Variants in AGPAT4 observed in about 807,000 individuals in gnomAD.
The protein encoded by AGPAT4 is 1-acyl-sn-glycerol-3-phosphate acyltransferase delta.
Under a neutral mutation model 48.0 loss-of-function variants are expected in AGPAT4, and 15 were observed. The ratio of observed to expected loss-of-function variants is 0.31; its 90% confidence interval spans 0.21 to 0.48. AGPAT4 has a LOEUF of 0.48. Among genes scored for constraint, AGPAT4 ranks in the 20% least tolerant of loss-of-function variants. AGPAT4 has a pLI of 0.99. For synonymous variants in AGPAT4, 178 were observed against 198.7 expected (o/e 0.90, Z 0.88); for missense variants, 314 against 482.5 (o/e 0.65, Z 3.27).
Position 161,231,899 on chromosome 6 carries a change from T to C in AGPAT4, c.178+137A>G. On this transcript the variant is annotated intron_variant, in intron 2 of 8. Transcript: ENST00000320285. This position sits in a 1 kb window ranked among gnomAD's most constrained non-coding sequence, Gnocchi z 5.3. Reference sequence around the variant, plus strand: ...TGGGGGATTGAGAACAAAATAGCCATTTCAAACCTAAAACAAAAACAAAAC... The same window carrying C: ...TGGGGGATTGAGAACAAAATAGCCACTTCAAACCTAAAACAAAAACAAAAC... 2 of 880,162 alleles carry C rather than the reference T, an allele frequency of 2.3e-6. No individual in the cohort carries two copies. The highest frequency in any genetic ancestry group is 3.3e-6 in the Non-Finnish European group (2 of 606,956). The allele number at this position is 880,162 out of a possible 1,614,324, so 54.5% of individuals were successfully genotyped here. A position where few individuals can be genotyped will look rare whatever the true frequency, so the allele number is the denominator to read the frequency against.
Position 161,141,562 on chromosome 6 carries a change from G to T in AGPAT4, c.844-1942C>A, listed in dbSNP as rs1216879511. Among the ~76,000 whole-genome samples, 1 of 151,870 alleles carries T rather than the reference G, an allele frequency of 6.6e-6. No homozygotes were observed. ...GGCACCTGATAACTAGACAAGGGGG[G>T]TGATATTTTTGTGCCTTGTTTTTTT... On this transcript the variant is annotated intron_variant, in intron 7 of 8. Transcript: ENST00000320285. This position sits in a 1 kb window ranked among gnomAD's most constrained non-coding sequence, Gnocchi z 6.7.
In AGPAT4 at chr6:161,153,376, C is replaced by T. The variant is rs1158616160; in HGVS notation, c.634G>A (p.Ala212Thr). ...TTTCTCAAGCTCCTCACGGTGATGGCGAAGCCCTTGGTTCGTGGCAACAGG... is the reference window on the plus strand; with the variant it reads ...TTTCTCAAGCTCCTCACGGTGATGGTGAAGCCCTTGGTTCGTGGCAACAGG... ...HHLLPRTKGF[A>T]ITVRSLRNVV... The change falls in exon 5 of 9, where the codon GCC (alanine) becomes ACC (threonine). Residue 212 changes from alanine to threonine, a missense_variant. Transcript: ENST00000320285. The T allele has an allele frequency of 2.3e-5, 37 of 1,609,910 alleles. No homozygotes were observed. The highest frequency in any genetic ancestry group is 2.7e-5 in the Non-Finnish European group (32 of 1,178,070).
In AGPAT4 at chr6:161,236,571, G is replaced by A. The variant is rs1325314004; in HGVS notation, c.-89-4269C>T. Among the ~76,000 whole-genome samples, 1 of 152,060 alleles carries A rather than the reference G, an allele frequency of 6.6e-6. No homozygotes were observed. The highest frequency in any genetic ancestry group is 1.9e-4 in the East Asian group (1 of 5,176). On this transcript the variant is annotated intron_variant, in intron 1 of 8. Coordinates refer to ENST00000320285, the MANE Select transcript of AGPAT4 (RefSeq NM_020133.3). The surrounding 1 kb of genome is among the most constrained non-coding windows in gnomAD (Gnocchi z 5.0). Reference sequence around the variant, plus strand: ...ACAGAGGCTGGCACGGTTACCTCTGGGGGCAGACAAGTGACCCGATGAGGG... The same window carrying A: ...ACAGAGGCTGGCACGGTTACCTCTGAGGGCAGACAAGTGACCCGATGAGGG...
At chr6:161,182,079 G>A (rs913891383) in intron 2 of AGPAT4, among the ~76,000 whole-genome samples, 5 of 152,028 alleles carry the variant, frequency 3.3e-5, no homozygotes, top group East Asian at 1.9e-4. Flanking sequence ...CTTTGACCCC[G>A]ACCAGTCTGC....
rs1226817888 is a variant in AGPAT4, at chr6:161,196,051, G to T, written c.179-29634C>A. On this transcript the variant is annotated intron_variant, in intron 2 of 8. Coordinates refer to ENST00000320285, the MANE Select transcript of AGPAT4 (RefSeq NM_020133.3). This position sits in a 1 kb window ranked among gnomAD's most constrained non-coding sequence, Gnocchi z 4.3. Reference sequence around the variant, plus strand: ...TGAAGGTGCCAGGACTTTAGGATTTGCATAACTTAATGAGGCTTAATGACC... The same window carrying T: ...TGAAGGTGCCAGGACTTTAGGATTTTCATAACTTAATGAGGCTTAATGACC... 1.3e-5 allele frequency among the ~76,000 whole-genome samples: 2 copies of T among 152,132 alleles called. No homozygotes were observed. Among genetic ancestry groups the T allele is most frequent in the East Asian group, 3.9e-4 (2 of 5,186 alleles).
rs971055504 is a variant in AGPAT4, at chr6:161,255,444, C to T, written c.-90+18494G>A. On this transcript the variant is annotated intron_variant, in intron 1 of 8. Transcript: ENST00000320285. The surrounding 1 kb of genome is among the most constrained non-coding windows in gnomAD (Gnocchi z 4.7). The stretch of plus-strand genomic sequence containing the variant: ...CCCACGTTCACGGCAGCGTTGCTCT[C>T]GATAGCCAAAGGCCGAAACAGCCCC... Among the ~76,000 whole-genome samples, 1 of 152,144 alleles carries T rather than the reference C, an allele frequency of 6.6e-6. No homozygotes were observed. The highest frequency in any genetic ancestry group is 6.5e-5 in the Admixed American group (1 of 15,274).
In AGPAT4 at chr6:161,130,989, A is replaced by G. The variant is rs538245967; in HGVS notation, c.*5551T>C. The G allele has an allele frequency of 2.9e-5, 14 of 480,534 alleles. No individual in the cohort carries two copies. The highest frequency in any genetic ancestry group is 5.1e-5 in the Non-Finnish European group (12 of 234,660). 29.8% of individuals were successfully genotyped at this position (480,534 alleles called of 1,614,324 possible). A position where few individuals can be genotyped will look rare whatever the true frequency, so the allele number is the denominator to read the frequency against. On this transcript the variant is annotated 3_prime_UTR_variant, in exon 9 of 9. Coordinates refer to ENST00000320285, the MANE Select transcript of AGPAT4 (RefSeq NM_020133.3). ...ACTATGGAATAGAAAAGGAAAAGTG[A>G]CATTTGTGTAATTTATTTTGGAAAT...
At chr6:161,187,700 C>T in intron 2 of AGPAT4, among the ~76,000 whole-genome samples, 1 of 151,998 alleles carries the variant, frequency 6.6e-6, no homozygotes. Context: ...ACCACCACAC[C>T]CAGCTAATTT....
Position 161,136,071 on chromosome 6 carries a change from A to G in AGPAT4, c.*469T>C, listed in dbSNP as rs1211838454. Reference sequence around the variant, plus strand: ...AGCGGTCCATGTCAACATACACCACAGATGACCCAGAAAAGCACTTTAATT... The same window carrying G: ...AGCGGTCCATGTCAACATACACCACGGATGACCCAGAAAAGCACTTTAATT... On this transcript the variant is annotated 3_prime_UTR_variant, in exon 9 of 9. Transcript: ENST00000320285. 2 of 175,416 alleles carry G rather than the reference A, an allele frequency of 1.1e-5. No individual in the cohort carries two copies. Among genetic ancestry groups the G allele is most frequent in the Admixed American group, 1.2e-4 (2 of 17,100 alleles). The allele number at this position is 175,416 out of a possible 1,614,324, so 10.9% of individuals were successfully genotyped here.
chr6:161,263,078 A>G (rs546648849), intron 1 of AGPAT4, among the ~76,000 whole-genome samples: 1 of 152,236 alleles, frequency 6.6e-6, no homozygotes, highest in South Asian at 2.1e-4. Context: ...AAGGAAAAAG[A>G]GCAAAGGCAG....
Position 161,139,705 on chromosome 6 carries a change from C to A in AGPAT4, c.844-85G>T. ...CGAGGCCCTGCTTCCAAGGGAATCG[C>A]AGAGATACACAGGTGCCACCGGGGC... is the stretch of plus-strand genomic sequence containing the variant. On this transcript the variant is annotated intron_variant, in intron 7 of 8. Coordinates refer to ENST00000320285, the MANE Select transcript of AGPAT4 (RefSeq NM_020133.3). This position sits in a 1 kb window ranked among gnomAD's most constrained non-coding sequence, Gnocchi z 9.1. The A allele has an allele frequency of 3.2e-6, 4 of 1,244,030 alleles. No individual in the cohort carries two copies. Among genetic ancestry groups the A allele is most frequent in the Non-Finnish European group, 4.5e-6 (4 of 892,134 alleles). 77.1% of individuals were successfully genotyped at this position (1,244,030 alleles called of 1,614,324 possible). A position where few individuals can be genotyped will look rare whatever the true frequency, so the allele number is the denominator to read the frequency against.
intron 2 of AGPAT4, among the ~76,000 whole-genome samples, chr6:161,174,774 A>G (rs948659155): frequency 6.6e-6 from 1 of 152,114 alleles, no homozygotes; most frequent in Non-Finnish European, 1.5e-5. Flanking sequence ...TATGATATTG[A>G]CTGTGGGTCT....
At position 161,155,339 on chromosome 6, in the gene AGPAT4, G is replaced by T. The variant is rs1233835352; in HGVS notation, c.349-1029C>A. On this transcript the variant is annotated intron_variant, in intron 3 of 8. Coordinates refer to ENST00000320285, the MANE Select transcript of AGPAT4 (RefSeq NM_020133.3). This position sits in a 1 kb window ranked among gnomAD's most constrained non-coding sequence, Gnocchi z 5.8. Reference sequence around the variant, plus strand: ...GGCCAAGATGCTCCTTGATCAGTGGGTCGATGACTGATCAATGGGATATCA... The same window carrying T: ...GGCCAAGATGCTCCTTGATCAGTGGTTCGATGACTGATCAATGGGATATCA... Among the ~76,000 whole-genome samples, 1 of 152,304 alleles carries T rather than the reference G, an allele frequency of 6.6e-6. No individual in the cohort carries two copies. Among genetic ancestry groups the T allele is most frequent in the East Asian group, 1.9e-4 (1 of 5,186 alleles).
chr6:161,199,463 T>C (rs879585261), intron 2 of AGPAT4, among the ~76,000 whole-genome samples: 1 of 152,194 alleles, frequency 6.6e-6, no homozygotes, highest in Admixed American at 6.5e-5. Context: ...ACACACATTG[T>C]TTCTTAAGGG....
rs1781946748 is a variant in AGPAT4, at chr6:161,225,304, C to A, written c.178+6732G>T. Among the ~76,000 whole-genome samples, 1 of 152,226 alleles carries A rather than the reference C, an allele frequency of 6.6e-6. No individual in the cohort carries two copies. The highest frequency in any genetic ancestry group is 1.5e-5 in the Non-Finnish European group (1 of 68,048). ...AATTAGTTTAACCTGTGCAGTCTAA[C>A]CCTAGCCAATAGGGGAAGGACACAG... On this transcript the variant is annotated intron_variant, in intron 2 of 8. Coordinates refer to ENST00000320285, the MANE Select transcript of AGPAT4 (RefSeq NM_020133.3). This position sits in a 1 kb window ranked among gnomAD's most constrained non-coding sequence, Gnocchi z 5.0.
chr6:161,199,832 C>T (rs1398952549), intron 2 of AGPAT4, among the ~76,000 whole-genome samples: 1 of 152,232 alleles, frequency 6.6e-6, no homozygotes, highest in Non-Finnish European at 1.5e-5. Flanking sequence ...GCCATGCCTC[C>T]TGTACCGTGA....
chr6:161,160,923 C>T (rs987098250), intron 3 of AGPAT4: 4 of 441,162 alleles, frequency 9.1e-6, no homozygotes, highest in Non-Finnish European at 1.8e-5. Context: ...CGATTGGCCT[C>T]GCCCAGCACC....
intron 1 of AGPAT4, among the ~76,000 whole-genome samples, chr6:161,253,252 T>A (rs1467419070): frequency 1.4e-5 from 2 of 141,812 alleles, no homozygotes; most frequent in Non-Finnish European, 3.1e-5. Context: ...ATGATCCAAC[T>A]TTTTTTAATT....
chr6:161,161,892 TAGGAGGGATAATGCC>T lies in AGPAT4; in HGVS notation c.348+4341_348+4355del. On this transcript the variant is annotated intron_variant, in intron 3 of 8. Transcript: ENST00000320285. This position sits in a 1 kb window ranked among gnomAD's most constrained non-coding sequence, Gnocchi z 4.6. ...CGCCCTCACGCACAGGCACTCTGCC[TAGGAGGGATAATGCC>T]ACTCTCCTCCTCTCACCTTTCTCTG... The T allele has an allele frequency of 4.7e-6, 1 of 214,832 alleles. No homozygotes were observed. The highest frequency in any genetic ancestry group is 9.6e-6 in the Non-Finnish European group (1 of 104,594). 13.3% of individuals were successfully genotyped at this position (214,832 alleles called of 1,614,324 possible).
Sources: gnomAD v4.1 joint callset for allele counts (sites outside exome capture counted in the v4.1 genomes callset) on GRCh38, gnomAD v4.1.1 for gene constraint, Gnocchi (gnomAD v3.1) non-coding constraint, MANE v1.5 for transcripts, NCBI Gene and HGNC (gene_info 2026-07-23, HGNC 2026-07-21) for gene names.